Variants in C8orf88 observed in about 807,000 individuals in gnomAD.
C8orf88 encodes uncharacterized protein C8orf88.
In C8orf88, 14 loss-of-function variants were observed where a neutral mutation model predicts 18.4. The ratio of observed to expected loss-of-function variants is 0.76; its 90% CI spans 0.50 to 1.19. The LOEUF is 1.19. Ranked by LOEUF, C8orf88 falls within the 50% of genes most tolerant of loss-of-function variation. C8orf88 has a pLI of 0.00. For synonymous variants in C8orf88, 45 were observed against 42.9 expected (o/e 1.05, Z -0.19); for missense variants, 116 against 134.7 (o/e 0.86, Z 0.69).
intron 5 of C8orf88, 52 bp downstream of exon 5, chr8:90,960,686 TAAAG>T: frequency 9.8e-7 from 1 of 1,022,924 alleles, no homozygotes; most frequent in Non-Finnish European, 1.4e-6. Flanking sequence ...ATGAAAATGT[TAAAG>T]AAAAATATTT....
chr8:90,965,298 T>C (rs1811178788), intron 4 of C8orf88, among the ~76,000 whole-genome samples: 1 of 151,750 alleles, frequency 6.6e-6, no homozygotes. Flanking sequence ...ATTTATGCCA[T>C]GATAAAAGCA....
At chr8:90,981,174 T>C (rs1436458069) in intron 1 of C8orf88, among the ~76,000 whole-genome samples, 2 of 152,110 alleles carry the variant, frequency 1.3e-5, no homozygotes, top group Non-Finnish European at 2.9e-5. Flanking sequence ...ATTCAACATA[T>C]CTAAAATCTA....
In C8orf88 at chr8:90,962,625, C is replaced by T. The variant is rs541850544; in HGVS notation, c.224-1777G>A. 2.0e-5 allele frequency among the ~76,000 whole-genome samples: 3 copies of T among 146,812 alleles called. No homozygotes were observed. In the South Asian group the frequency reaches 6.2e-4, roughly 31 times the overall value. Reference sequence around the variant, plus strand: ...GGCCATGGCCTTGAAGACAACAGCCCTCATTACTTTTATAGGTTCCCAGAA... The same window carrying T: ...GGCCATGGCCTTGAAGACAACAGCCTTCATTACTTTTATAGGTTCCCAGAA... On this transcript the variant is annotated intron_variant, in intron 4 of 5. Transcript: ENST00000517562.
intron 4 of C8orf88, among the ~76,000 whole-genome samples, chr8:90,965,370 A>G (rs1356460946): frequency 5.3e-5 from 8 of 151,796 alleles, no homozygotes; most frequent in African/African-American, 1.9e-4. Context: ...AGAAAGAAAA[A>G]CACAGAATTA....
chr8:90,981,569 T>C (rs1811435869), intron 1 of C8orf88, among the ~76,000 whole-genome samples: 1 of 152,152 alleles, frequency 6.6e-6, no homozygotes, highest in South Asian at 2.1e-4. Context: ...AATTCCTCCT[T>C]CCTTACATTC....
intron 2 of C8orf88, among the ~76,000 whole-genome samples, chr8:90,979,683 A>T (rs1244694219): frequency 6.6e-6 from 1 of 152,228 alleles, no homozygotes; most frequent in Non-Finnish European, 1.5e-5. Flanking sequence ...GAAAAAGTTT[A>T]AAAAGTTATA....
intron 2 of C8orf88, among the ~76,000 whole-genome samples, chr8:90,978,990 T>C (rs927319838): frequency 3.9e-5 from 6 of 152,212 alleles, no homozygotes; most frequent in African/African-American, 1.4e-4. Context: ...GGGTATCACA[T>C]AGGTTTCACA....
rs80064855 is a variant in C8orf88 at position 90,982,240 on chromosome 8, T to C, written c.-26-1779A>G. ...ATATAACAAGATGAAAAAAAAGTTATAAGCACAAATAGAAAAAATACTTCA... is the reference window on the plus strand; with the variant it reads ...ATATAACAAGATGAAAAAAAAGTTACAAGCACAAATAGAAAAAATACTTCA... On this transcript the variant is annotated intron_variant, in intron 1 of 5. Transcript: ENST00000517562. 5.3e-3 allele frequency among the ~76,000 whole-genome samples: 800 copies of C among 152,234 alleles called. 7 individuals are homozygous for C. Among genetic ancestry groups the C allele is most frequent in the African/African-American group, 0.018 (759 of 41,560 alleles).
rs141104597 is a variant in C8orf88, at chr8:90,981,181, T to C, written c.-26-720A>G. 7.7e-4 allele frequency among the ~76,000 whole-genome samples: 117 copies of C among 152,244 alleles called. 1 individual carries two copies. The highest frequency in any genetic ancestry group is 2.7e-3 in the African/African-American group (112 of 41,550). On this transcript the variant is annotated intron_variant, in intron 1 of 5. Transcript: ENST00000517562. ...TACCTCAAATTCAACATATCTAAAA[T>C]CTAATTAATAACTTTAACTCCTGTA...
intron 4 of C8orf88, among the ~76,000 whole-genome samples, chr8:90,963,020 G>A (rs1343461271): frequency 6.6e-6 from 1 of 151,638 alleles, no homozygotes; most frequent in Non-Finnish European, 1.5e-5. Context: ...AAAAACTTGA[G>A]AAGATCCTAA....
At chr8:90,978,932 C>G (rs1811392149) in intron 2 of C8orf88, among the ~76,000 whole-genome samples, 1 of 152,090 alleles carries the variant, frequency 6.6e-6, no homozygotes, top group Non-Finnish European at 1.5e-5. Flanking sequence ...AAGCAGTATG[C>G]TTATTGAGAG....
chr8:90,983,450 A>T (rs1411747618), intron 1 of C8orf88, among the ~76,000 whole-genome samples: 1 of 152,124 alleles, frequency 6.6e-6, no homozygotes, highest in African/African-American at 2.4e-5. Context: ...AATACTAACT[A>T]TATCTTAGGT....
chr8:90,959,654 A>G lies in C8orf88; in HGVS notation c.331-624T>C, dbSNP rs114301888. The stretch of plus-strand genomic sequence containing the variant: ...AGAAATATTAATATAAACTATGAAC[A>G]ACATAATGTTTTTTAAAAATTATAA... On this transcript the variant is annotated intron_variant, in intron 5 of 5. Coordinates refer to ENST00000517562, the MANE Select transcript of C8orf88 (RefSeq NM_001190972.2). Among the ~76,000 whole-genome samples, 450 of 151,668 alleles carry G rather than the reference A, an allele frequency of 3.0e-3. 1 individual carries two copies. Among genetic ancestry groups the G allele is most frequent in the African/African-American group, 6.6e-3 (276 of 41,520 alleles).
intron 4 of C8orf88, among the ~76,000 whole-genome samples, chr8:90,961,275 CA>C (rs1487398578): frequency 6.6e-6 from 1 of 151,102 alleles, no homozygotes; most frequent in Admixed American, 6.6e-5. Context: ...ATTTATTGTA[CA>C]TCTTACTATG....
At chr8:90,968,657 C>CATATATATATATATATATATATGT (rs1811239146) in intron 4 of C8orf88, among the ~76,000 whole-genome samples, 2 of 72,818 alleles carry the variant, frequency 2.7e-5, no homozygotes, top group East Asian at 6.7e-4. Context: ...GAAAAGACAA[C>CATATATATATATATATATATATGT]ATATATATAT....
intron 5 of C8orf88, among the ~76,000 whole-genome samples, chr8:90,960,096 T>C (rs1173275137): frequency 6.6e-6 from 1 of 151,476 alleles, no homozygotes; most frequent in Admixed American, 6.6e-5. Flanking sequence ...GAGCTACAAT[T>C]TGAAGCCATG....
chr8:90,967,317 T>C (rs927371681), intron 4 of C8orf88, among the ~76,000 whole-genome samples: 2 of 151,858 alleles, frequency 1.3e-5, no homozygotes, highest in African/African-American at 4.8e-5. Flanking sequence ...TAAAAAGTTG[T>C]TAGTATTTTA....
At chr8:90,985,314 C>G (rs1164372625), upstream of C8orf88, 1 of 150,358 alleles carries the variant, frequency 6.7e-6, no homozygotes, top group Non-Finnish European at 1.5e-5. Flanking sequence ...GGGCACGAGG[C>G]GGGCCCAGGG....
chr8:90,971,412 T>G (rs1811281723), intron 3 of C8orf88, among the ~76,000 whole-genome samples: 1 of 152,070 alleles, frequency 6.6e-6, no homozygotes, highest in Non-Finnish European at 1.5e-5. Context: ...TAAACATAAA[T>G]AATTCCATAG....
Sources: allele counts gnomAD v4.1 joint callset (sites outside exome capture counted in the v4.1 genomes callset), GRCh38; gene constraint gnomAD v4.1.1; transcripts MANE v1.5; gene names NCBI Gene and HGNC (gene_info 2026-07-23, HGNC 2026-07-21).